Variants in ZCWPW2 observed in about 807,000 individuals in gnomAD.
ZCWPW2 encodes the protein zinc finger CW-type and PWWP domain containing 2.
ZCWPW2 carries 45 observed loss-of-function variants against 46.6 expected under a neutral mutation model. That is an observed-to-expected ratio of 0.96 (90% confidence interval 0.76 to 1.24). The LOEUF (loss-of-function observed/expected upper bound fraction) is 1.24. ZCWPW2 is among the 50% of genes most tolerant of loss of function. The pLI is 0.00. For missense variants in ZCWPW2, 429 were observed against 403.9 expected, an observed-to-expected ratio of 1.06 and a Z score of -0.53; for synonymous variants, 152 against 137.1, an observed-to-expected ratio of 1.11 and a Z score of -0.76.
chr3:28,512,058 A>G (rs912039467), intron 6 of ZCWPW2, among the ~76,000 whole-genome samples: 4 of 151,996 alleles, frequency 2.6e-5, no homozygotes, highest in Non-Finnish European at 4.4e-5. Flanking sequence ...TTTATTGGAT[A>G]TTGTTTAATT....
At chr3:28,368,886 C>T (rs1277224530) in intron 1 of ZCWPW2, among the ~76,000 whole-genome samples, 2 of 152,164 alleles carry the variant, frequency 1.3e-5, no homozygotes, top group Admixed American at 6.5e-5. Flanking sequence ...CTAAACTTCT[C>T]TTCTCGCTTC....
intron 5 of ZCWPW2, among the ~76,000 whole-genome samples, chr3:28,486,603 C>T (rs1480957946): frequency 6.6e-6 from 1 of 152,116 alleles, no homozygotes; most frequent in African/African-American, 2.4e-5. Context: ...AGGCCATGCA[C>T]TGTGGCTCAG....
intron 4 of ZCWPW2, among the ~76,000 whole-genome samples, chr3:28,436,323 CTTTTT>C (rs71087698): frequency 8.6e-6 from 1 of 116,838 alleles, no homozygotes; most frequent in African/African-American, 3.3e-5. Context: ...TCTTTTTTTT[CTTTTT>C]TTTTTTTTTT....
intron 3 of ZCWPW2, among the ~76,000 whole-genome samples, chr3:28,432,958 G>C (rs573923342): frequency 1.3e-5 from 2 of 152,138 alleles, no homozygotes; most frequent in East Asian, 3.9e-4. Flanking sequence ...GATAAGAAAG[G>C]CCTTTTGTTA....
rs781599850 is a variant in ZCWPW2, at chr3:28,413,106, G to T, written c.38G>T (p.Cys13Phe). 3.7e-6 allele frequency: 6 copies of T among 1,612,206 alleles called. No homozygotes were observed. The highest frequency in any genetic ancestry group is 1.1e-5 in the South Asian group (1 of 90,950). Reference sequence around the variant, plus strand: ...AAATTGGATGTTAAGATTGAATATTGTAACTATGCAATGGATTCCTCAGTG... The same window carrying T: ...AAATTGGATGTTAAGATTGAATATTTTAACTATGCAATGGATTCCTCAGTG... ...KEKLDVKIEY[C>F]NYAMDSSVEN... is the part of the protein sequence containing the mutation. The change falls in exon 3 of 10, where the codon TGT becomes TTT. Residue 13 changes from cysteine (C) to phenylalanine (F), a missense_variant. Cys to Phe is a radical substitution (Grantham distance 205, BLOSUM62 -2). Coordinates refer to ENST00000383768, the MANE Select transcript of ZCWPW2 (RefSeq NM_001040432.4).
chr3:28,518,342 A>G (rs1044144495), intron 8 of ZCWPW2, among the ~76,000 whole-genome samples: 1 of 152,196 alleles, frequency 6.6e-6, no homozygotes, highest in Non-Finnish European at 1.5e-5. Flanking sequence ...TCATGCAATC[A>G]GCAAAGGCAT....
chr3:28,472,739 A>G (rs552288342), intron 4 of ZCWPW2, among the ~76,000 whole-genome samples: 1 of 152,192 alleles, frequency 6.6e-6, no homozygotes, highest in Non-Finnish European at 1.5e-5. Flanking sequence ...ACATCAAGTT[A>G]AAAAACTTCT....
chr3:28,375,489 T>C (rs1705473497), intron 1 of ZCWPW2, among the ~76,000 whole-genome samples: 1 of 152,066 alleles, frequency 6.6e-6, no homozygotes, highest in Non-Finnish European at 1.5e-5. Flanking sequence ...TTTTAATCCA[T>C]TGCTTGATTT....
At chr3:28,359,942 AATC>A (rs1444399476) in intron 1 of ZCWPW2, among the ~76,000 whole-genome samples, 1 of 152,164 alleles carries the variant, frequency 6.6e-6, no homozygotes, top group Non-Finnish European at 1.5e-5. Flanking sequence ...AAAAATTAGA[AATC>A]ATTGAAATTT....
chr3:28,401,526 A>G lies in ZCWPW2; in HGVS notation c.-14+10909A>G, dbSNP rs142558831. On this transcript the variant is annotated intron_variant, in intron 2 of 9. Coordinates refer to ENST00000383768, the MANE Select transcript of ZCWPW2 (RefSeq NM_001040432.4). ...CTCCACTGATAGCACTAGACAGGTC[A>G]TCAAGACAGAAAGTCAACAAAGAAA... 6.4e-4 allele frequency among the ~76,000 whole-genome samples: 97 copies of G among 152,334 alleles called. 1 individual carries two copies. In the East Asian group the frequency reaches 8.5e-3, roughly 13 times the overall value.
chr3:28,377,804 G>A (rs1344488232), intron 1 of ZCWPW2, among the ~76,000 whole-genome samples: 7 of 151,956 alleles, frequency 4.6e-5, no homozygotes, highest in Non-Finnish European at 4.4e-5. Flanking sequence ...AATAAAATTG[G>A]CAGCCATTCA....
chr3:28,381,746 A>G (rs1288043218), intron 1 of ZCWPW2, among the ~76,000 whole-genome samples: 3 of 152,114 alleles, frequency 2.0e-5, no homozygotes, highest in African/African-American at 4.8e-5. Context: ...TGATCCCACC[A>G]CTGCACCCAG....
chr3:28,412,670 G>C (rs1696448147), intron 2 of ZCWPW2, among the ~76,000 whole-genome samples: 1 of 151,978 alleles, frequency 6.6e-6, no homozygotes, highest in African/African-American at 2.4e-5. Flanking sequence ...TGTGTATAAA[G>C]CACTTAGAAT....
At chr3:28,520,547 T>C (rs1700695811) in intron 8 of ZCWPW2, among the ~76,000 whole-genome samples, 1 of 152,220 alleles carries the variant, frequency 6.6e-6, no homozygotes. Flanking sequence ...TTTGTTTATG[T>C]ACATGTCAAT....
intron 4 of ZCWPW2, among the ~76,000 whole-genome samples, chr3:28,442,651 G>A (rs951272055): frequency 4.6e-5 from 7 of 152,186 alleles, no homozygotes; most frequent in African/African-American, 1.4e-4. Context: ...CCAAGTCAAC[G>A]GCTGCATACC....
At chr3:28,461,629 A>C (rs1228151036) in intron 4 of ZCWPW2, 2 of 152,156 alleles carry the variant, frequency 1.3e-5, no homozygotes, top group Non-Finnish European at 2.9e-5. Context: ...ACCTTGAACG[A>C]AATATATCTA....
In ZCWPW2 at chr3:28,445,346, G is replaced by T. The variant is rs531112959; in HGVS notation, c.492+10077G>T. 2.6e-5 allele frequency among the ~76,000 whole-genome samples: 4 copies of T among 152,072 alleles called. No individual in the cohort carries two copies. In the South Asian group the frequency reaches 6.2e-4, roughly 24 times the overall value. On this transcript the variant is annotated intron_variant, in intron 4 of 9. Transcript: ENST00000383768. ...ACTTAAGATACTGATGCACTGCAAA[G>T]AATTATTAGTTTATATTTTTGGGCA... is the stretch of plus-strand genomic sequence containing the variant.
Position 28,521,174 on chromosome 3 carries a change from G to A in ZCWPW2, c.909+58G>A, listed in dbSNP as rs1483764821. The stretch of plus-strand genomic sequence containing the variant: ...ACAACTTCAAATTCTTTAAACAGCA[G>A]AATTGTTCCTAGTTGTACATTTTAA... On this transcript the variant is annotated intron_variant, in intron 9 of 9. Transcript: ENST00000383768. 6.5e-6 allele frequency: 10 copies of A among 1,529,476 alleles called. No homozygotes were observed. The African/African-American group carries it at 1.1e-4, about 18-fold the overall frequency. The allele number at this position is 1,529,476 out of a possible 1,614,324, so 94.7% of individuals were successfully genotyped here.
Position 28,387,350 on chromosome 3 carries a change from A to T in ZCWPW2, c.-133-3148A>T, listed in dbSNP as rs567994847. Reference sequence around the variant, plus strand: ...ACAGATCTGAGGGTACTATTTTTTTAAAAAATTATATATTTTAGAAGATAT... The same window carrying T: ...ACAGATCTGAGGGTACTATTTTTTTTAAAAATTATATATTTTAGAAGATAT... On this transcript the variant is annotated intron_variant, in intron 1 of 9. Transcript: ENST00000383768. 1.6e-3 allele frequency among the ~76,000 whole-genome samples: 237 copies of T among 152,208 alleles called. 1 individual carries two copies. The highest frequency in any genetic ancestry group is 1.8e-3 in the Admixed American group (28 of 15,282).
Sources: gnomAD v4.1 joint callset for allele counts (sites outside exome capture counted in the v4.1 genomes callset) on GRCh38, gnomAD v4.1.1 for gene constraint, MANE v1.5 for transcripts, NCBI Gene and HGNC (gene_info 2026-07-23, HGNC 2026-07-21) for gene names.